The following NTSR1 variants were observed in gnomAD, a reference collection of about 807,000 sequenced individuals.
The protein encoded by NTSR1 is neurotensin receptor 1, also known as neurotensin receptor type 1.
In NTSR1, 29 loss-of-function variants were observed where a neutral mutation model predicts 31.2. The ratio of observed to expected loss-of-function variants is 0.93; its 90% CI spans 0.69 to 1.27. The LOEUF (loss-of-function observed/expected upper bound fraction) is 1.27. Among genes scored for constraint, NTSR1 ranks in the 50% most tolerant of loss-of-function variants. The pLI is 0.00. For synonymous variants in NTSR1, 282 were observed against 269.9 expected, an observed-to-expected ratio of 1.04 and a Z score of -0.44; for missense variants, 697 against 595.4, an observed-to-expected ratio of 1.17 and a Z score of -1.78.
chr20:62,760,289 C>T lies in NTSR1; in HGVS notation c.*22C>T, dbSNP rs201891030. ...CTAGGCTGTGCGCCCCGGAACGTGT[C>T]CAGGAGGAGCCTGGCCATGGGTCCT... On this transcript the variant is annotated 3_prime_UTR_variant, in exon 4 of 4. Coordinates refer to ENST00000370501, the MANE Select transcript of NTSR1 (RefSeq NM_002531.3). 888 of 1,581,440 alleles carry T rather than the reference C, an allele frequency of 5.6e-4. 4 individuals are homozygous for T. The African/African-American group carries it at 0.011, about 19-fold the overall frequency.
Position 62,733,345 on chromosome 20 carries a change from G to A in NTSR1, c.715-21340G>A, listed in dbSNP as rs1989033221. On this transcript the variant is annotated intron_variant, in intron 1 of 3. Coordinates refer to ENST00000370501, the MANE Select transcript of NTSR1 (RefSeq NM_002531.3). The surrounding 1 kb of genome is among the most constrained non-coding windows in gnomAD (Gnocchi z 5.2). ...AGAATGAAGCTCTTGGTTCCCTCCT[G>A]AAGCACTTGGTTGAAGCTTGCTGCG... 6.6e-6 allele frequency among the ~76,000 whole-genome samples: 1 copy of A among 152,176 alleles called. No homozygotes were observed. Among genetic ancestry groups the A allele is most frequent in the Admixed American group, 6.5e-5 (1 of 15,288 alleles).
At chr20:62,729,678 TG>T (rs1988971457) in intron 1 of NTSR1, among the ~76,000 whole-genome samples, 1 of 148,572 alleles carries the variant, frequency 6.7e-6, no homozygotes, top group African/African-American at 2.5e-5. Context: ...TCACCCAGGC[TG>T]GAGTGCAGTG....
chr20:62,751,437 G>A (rs2147146693), intron 1 of NTSR1, among the ~76,000 whole-genome samples: 1 of 152,346 alleles, frequency 6.6e-6, no homozygotes, highest in Non-Finnish European at 1.5e-5. Context: ...CACACTGAAA[G>A]TCCAAGAATA....
At chr20:62,724,844 C>T (rs1229446488) in intron 1 of NTSR1, among the ~76,000 whole-genome samples, 2 of 152,198 alleles carry the variant, frequency 1.3e-5, no homozygotes, top group South Asian at 4.1e-4. Flanking sequence ...GGCTTGTGGC[C>T]GAATCGCTCC....
At position 62,758,375 on chromosome 20, in the gene NTSR1, G is replaced by A. The variant is rs766424810; in HGVS notation, c.1007+19G>A. 1 of 1,608,600 alleles carries A rather than the reference G, an allele frequency of 6.2e-7. No individual in the cohort carries two copies. Among genetic ancestry groups the A allele is most frequent in the Non-Finnish European group, 8.5e-7 (1 of 1,175,606 alleles). On this transcript the variant is annotated intron_variant, in intron 3 of 3. Coordinates refer to ENST00000370501, the MANE Select transcript of NTSR1 (RefSeq NM_002531.3). This position sits in a 1 kb window ranked among gnomAD's most constrained non-coding sequence, Gnocchi z 4.5. ...GGACTCCGTGAGTACCGGGAACCAGGAAGTTGGGTGCTGGACAAGTAAGTG... is the reference window on the plus strand; with the variant it reads ...GGACTCCGTGAGTACCGGGAACCAGAAAGTTGGGTGCTGGACAAGTAAGTG...
intron 1 of NTSR1, among the ~76,000 whole-genome samples, chr20:62,752,442 AG>A (rs1439981285): frequency 1.4e-5 from 2 of 139,302 alleles, no homozygotes; most frequent in Non-Finnish European, 3.2e-5. Context: ...TTCAGTCTCC[AG>A]GGTGGGCAGG....
rs561867848 is a variant in NTSR1 at position 62,734,299 on chromosome 20, G to A, written c.715-20386G>A. ...TCTCTGGAGTGTGACCCCCTTCCCCGCAAAAAAAAAAAAAAATCTTGGCTC... is the reference window on the plus strand; with the variant it reads ...TCTCTGGAGTGTGACCCCCTTCCCCACAAAAAAAAAAAAAAATCTTGGCTC... On this transcript the variant is annotated intron_variant, in intron 1 of 3. Transcript: ENST00000370501. 8.6e-5 allele frequency among the ~76,000 whole-genome samples: 11 copies of A among 127,372 alleles called. No individual in the cohort carries two copies. The South Asian group carries it at 1.9e-3, about 22-fold the overall frequency. 83.6% of individuals were successfully genotyped at this position (127,372 alleles called of 152,430 possible).
chr20:62,739,864 C>T (rs940220011), intron 1 of NTSR1, among the ~76,000 whole-genome samples: 7 of 152,228 alleles, frequency 4.6e-5, no homozygotes, highest in African/African-American at 1.4e-4. Flanking sequence ...CGGCGGGGTG[C>T]GGGACGCATA....
Position 62,741,961 on chromosome 20 carries a change from C to A in NTSR1, c.715-12724C>A, listed in dbSNP as rs74843526. Among the ~76,000 whole-genome samples, 1 of 149,298 alleles carries A rather than the reference C, an allele frequency of 6.7e-6. No homozygotes were observed. Among genetic ancestry groups the A allele is most frequent in the Admixed American group, 6.7e-5 (1 of 14,888 alleles). On this transcript the variant is annotated intron_variant, in intron 1 of 3. Coordinates refer to ENST00000370501, the MANE Select transcript of NTSR1 (RefSeq NM_002531.3). The surrounding 1 kb of genome is among the most constrained non-coding windows in gnomAD (Gnocchi z 4.3). Reference sequence around the variant, plus strand: ...AAAAGGAGCCTGACAGGAGCCTCTGCCTCACAGATGAGACCTGTGTGCCTG... The same window carrying A: ...AAAAGGAGCCTGACAGGAGCCTCTGACTCACAGATGAGACCTGTGTGCCTG...
rs1989560277 is a variant in NTSR1 at position 62,758,797 on chromosome 20, T to C, written c.1007+441T>C. ...GCACCAATACTGACAAAGCTTTGCT[T>C]ATACAGCAAAGTCAGCAAAGGGAAA... On this transcript the variant is annotated intron_variant, in intron 3 of 3. Coordinates refer to ENST00000370501, the MANE Select transcript of NTSR1 (RefSeq NM_002531.3). The surrounding 1 kb of genome is among the most constrained non-coding windows in gnomAD (Gnocchi z 4.5). 6.6e-6 allele frequency among the ~76,000 whole-genome samples: 1 copy of C among 152,056 alleles called. No homozygotes were observed. The highest frequency in any genetic ancestry group is 2.4e-5 in the African/African-American group (1 of 41,380).
At chr20:62,720,645 T>C (rs541192074) in intron 1 of NTSR1, among the ~76,000 whole-genome samples, 1 of 152,240 alleles carries the variant, frequency 6.6e-6, no homozygotes, top group South Asian at 2.1e-4. Context: ...ATTTTATTTA[T>C]TTATATTTCT....
At chr20:62,735,506 C>T (rs1055325259) in intron 1 of NTSR1, among the ~76,000 whole-genome samples, 9 of 152,196 alleles carry the variant, frequency 5.9e-5, no homozygotes, top group African/African-American at 1.9e-4. Flanking sequence ...CCGCTGTGCA[C>T]GCTGGAGTCT....
In NTSR1 at chr20:62,754,762, C is replaced by G. The variant is rs141577332; in HGVS notation, c.792C>G (p.Thr264=). The part of the protein sequence containing the change: ...VLNTIIANKL[T]VMVRQAAEQG... ...ACACCATCATCGCCAACAAGCTGAC[C>G]GTCATGGTACGCCAGGCGGCCGAGC... Residue 264 remains threonine (T), a synonymous_variant, in exon 2 of 4, where the codon ACC becomes ACG. Coordinates refer to ENST00000370501, the MANE Select transcript of NTSR1 (RefSeq NM_002531.3). 1 of 1,612,616 alleles carries G rather than the reference C, an allele frequency of 6.2e-7. No individual in the cohort carries two copies.
At chr20:62,739,657 C>T (rs1989167298) in intron 1 of NTSR1, among the ~76,000 whole-genome samples, 1 of 152,260 alleles carries the variant, frequency 6.6e-6, no homozygotes, top group East Asian at 1.9e-4. Flanking sequence ...ACACTAATTC[C>T]ACTGACACCG....
At position 62,747,751 on chromosome 20, in the gene NTSR1, CACAAAA is replaced by C. The variant is rs929554591; in HGVS notation, c.715-6914_715-6909del. Among the ~76,000 whole-genome samples the C allele has an allele frequency of 6.4e-4, 95 of 147,530 alleles. 1 individual carries two copies. The highest frequency in any genetic ancestry group is 8.6e-4 in the Admixed American group (13 of 15,086). The stretch of plus-strand genomic sequence containing the variant: ...TATGTATAGAAAACCCTAAAGACTC[CACAAAA>C]ACAAAAACAAAAACAAAAAAAAACT... On this transcript the variant is annotated intron_variant, in intron 1 of 3. Coordinates refer to ENST00000370501, the MANE Select transcript of NTSR1 (RefSeq NM_002531.3).
chr20:62,720,612 T>C (rs1212079150), intron 1 of NTSR1, among the ~76,000 whole-genome samples: 1 of 152,182 alleles, frequency 6.6e-6, no homozygotes, highest in African/African-American at 2.4e-5. Context: ...ATTGATTTTT[T>C]TTCTATTGTC....
At chr20:62,737,443 C>T (rs770151171) in intron 1 of NTSR1, among the ~76,000 whole-genome samples, 1 of 152,206 alleles carries the variant, frequency 6.6e-6, no homozygotes, top group Non-Finnish European at 1.5e-5. Context: ...CCCCTTGACT[C>T]ACGGCTGCAC....
At chr20:62,738,067 C>CG (rs144837973) in intron 1 of NTSR1, among the ~76,000 whole-genome samples, 4 of 151,946 alleles carry the variant, frequency 2.6e-5, no homozygotes, top group African/African-American at 7.3e-5. Flanking sequence ...CACGTCTGCC[C>CG]CCCTCCCCCT....
intron 1 of NTSR1, among the ~76,000 whole-genome samples, chr20:62,735,973 AC>A (rs1307152544): frequency 5.9e-5 from 9 of 152,332 alleles, no homozygotes; most frequent in African/African-American, 2.2e-4. Flanking sequence ...TCTGTATTCA[AC>A]TGTTCCCTTC....
Sources: gnomAD v4.1 joint callset for allele counts (sites outside exome capture counted in the v4.1 genomes callset) on GRCh38, gnomAD v4.1.1 for gene constraint, Gnocchi (gnomAD v3.1) non-coding constraint, MANE v1.5 for transcripts, NCBI Gene and HGNC (gene_info 2026-07-23, HGNC 2026-07-21) for gene names.